RBFOX1: variants seen among roughly 807,000 people sequenced by gnomAD.
RBFOX1 encodes the protein RNA binding protein fox-1 homolog 1.
Under a neutral mutation model 57.7 loss-of-function variants are expected in RBFOX1, and 8 were observed. The ratio of observed to expected loss-of-function variants is 0.14; its 90% CI spans 0.08 to 0.25. The LOEUF (loss-of-function observed/expected upper bound fraction) is 0.25. Ranked by LOEUF, RBFOX1 falls within the 10% of genes least tolerant of loss-of-function variation. The probability of loss-of-function intolerance (pLI) is 1.00; values close to 1 mark genes in which losing one functional copy is unlikely to be tolerated. For synonymous variants in RBFOX1, 326 were observed against 222.4 expected (o/e 1.47, Z -4.15); for missense variants, 611 against 548.5 (o/e 1.11, Z -1.14).
intron 2 of RBFOX1, among the ~76,000 whole-genome samples, chr16:6,605,510 G>T (rs548790713): frequency 6.6e-6 from 1 of 152,306 alleles, no homozygotes; most frequent in South Asian, 2.1e-4. Flanking sequence ...AATCAGAAAT[G>T]ACAGCATTTT....
At chr16:6,968,813 G>GTT (rs1259504331) in intron 3 of RBFOX1, among the ~76,000 whole-genome samples, 19 of 150,506 alleles carry the variant, frequency 1.3e-4, no homozygotes, top group African/African-American at 4.7e-4. Context: ...ATTAATCCAG[G>GTT]TTTTTTTGTT....
chr16:6,723,833 C>G (rs555173434), intron 3 of RBFOX1: 1 of 151,968 alleles, frequency 6.6e-6, no homozygotes, highest in African/African-American at 2.4e-5. Context: ...GCTTACTGAC[C>G]TGTATGTTCT....
intron 2 of RBFOX1, among the ~76,000 whole-genome samples, chr16:6,588,530 G>A (rs1031883616): frequency 4.6e-5 from 7 of 151,686 alleles, no homozygotes; most frequent in African/African-American, 7.3e-5. Context: ...GTGCACACCC[G>A]TAACTCAGCT....
intron 4 of RBFOX1, among the ~76,000 whole-genome samples, chr16:7,369,714 CA>C (rs1286710805): frequency 1.3e-5 from 2 of 152,138 alleles, no homozygotes; most frequent in Non-Finnish European, 2.9e-5. Context: ...GTCTGATTAG[CA>C]ATAGCATACC....
chr16:6,662,507 A>G (rs1486559931), intron 3 of RBFOX1, among the ~76,000 whole-genome samples: 5 of 152,220 alleles, frequency 3.3e-5, no homozygotes, highest in Non-Finnish European at 7.3e-5. Flanking sequence ...GTGTTGAAAC[A>G]CTTAGATTAG....
chr16:6,094,485 G>T (rs2096219725), intron 1 of RBFOX1, among the ~76,000 whole-genome samples: 1 of 152,156 alleles, frequency 6.6e-6, no homozygotes, highest in Non-Finnish European at 1.5e-5. Flanking sequence ...AAACTGACAT[G>T]CTCACTAGAC....
chr16:5,683,274 C>T (rs1375917555), intron 3 of RBFOX1, among the ~76,000 whole-genome samples: 1 of 152,154 alleles, frequency 6.6e-6, no homozygotes, highest in African/African-American at 2.4e-5. Flanking sequence ...GAGATTCTGA[C>T]TTCCTTGCCA....
In RBFOX1 at chr16:6,333,344, C is replaced by G. The variant is rs2083267866; in HGVS notation, c.-64+16287C>G. On this transcript the variant is annotated intron_variant, in intron 2 of 15. Transcript: ENST00000550418. ...ACAGGTGTGAGCCACTGCGCCCAGC[C>G]AGACATTCTTTCCTTTGCTATACTC... Among the ~76,000 whole-genome samples the G allele has an allele frequency of 2.0e-5, 3 of 152,224 alleles. No homozygotes were observed. The South Asian group carries it at 6.2e-4, about 32-fold the overall frequency.
At chr16:7,110,932 C>A (rs978358345) in intron 4 of RBFOX1, among the ~76,000 whole-genome samples, 3 of 152,068 alleles carry the variant, frequency 2.0e-5, no homozygotes, top group African/African-American at 7.2e-5. Context: ...AAAAGGACAC[C>A]AGGGCATCCA....
intron 2 of RBFOX1, among the ~76,000 whole-genome samples, chr16:6,585,011 G>A (rs371099014): frequency 6.6e-5 from 10 of 152,124 alleles, no homozygotes; most frequent in African/African-American, 2.4e-4. Flanking sequence ...GCAGGCAAGC[G>A]GATTCCCAGG....
chr16:6,085,235 G>C (rs892796222), intron 1 of RBFOX1, among the ~76,000 whole-genome samples: 4 of 152,074 alleles, frequency 2.6e-5, no homozygotes, highest in Non-Finnish European at 5.9e-5. Flanking sequence ...AGAAACATTG[G>C]CCTGACTTTG....
intron 1 of RBFOX1, among the ~76,000 whole-genome samples, chr16:5,381,433 C>T (rs2066128356): frequency 6.6e-6 from 1 of 152,236 alleles, no homozygotes; most frequent in African/African-American, 2.4e-5. Flanking sequence ...AGATCTGGCT[C>T]ACGTGCAGAT....
At chr16:7,095,797 G>C (rs374690317) in intron 4 of RBFOX1, among the ~76,000 whole-genome samples, 1 of 152,100 alleles carries the variant, frequency 6.6e-6, no homozygotes, top group East Asian at 1.9e-4. Context: ...CCGATCATGA[G>C]GTCAGGAGAT....
intron 4 of RBFOX1, among the ~76,000 whole-genome samples, chr16:5,999,636 C>T (rs978507963): frequency 1.6e-4 from 25 of 151,924 alleles, no homozygotes; most frequent in African/African-American, 2.7e-4. Context: ...CTGAGGTGGG[C>T]GGATCACGAG....
intron 4 of RBFOX1, among the ~76,000 whole-genome samples, chr16:7,492,774 C>T (rs190368834): frequency 1.3e-5 from 2 of 152,254 alleles, no homozygotes; most frequent in African/African-American, 4.8e-5. Context: ...CCTTCACTCT[C>T]TCTTGCCCCG....
At chr16:7,692,550 C>T (rs914066558) in intron 14 of RBFOX1, among the ~76,000 whole-genome samples, 6 of 152,082 alleles carry the variant, frequency 3.9e-5, no homozygotes, top group Non-Finnish European at 7.4e-5. Context: ...GAGGCATTTA[C>T]GAACCTAGCC....
chr16:6,072,942 G>A (rs1991057), intron 1 of RBFOX1, among the ~76,000 whole-genome samples: 32,488 of 152,042 alleles, frequency 0.21, 4,406 homozygotes, highest in Non-Finnish European at 0.3. Flanking sequence ...AATTGTATAC[G>A]TTAAATATGT....
At chr16:6,660,754 C>T (rs1352155441) in intron 3 of RBFOX1, among the ~76,000 whole-genome samples, 2 of 134,380 alleles carry the variant, frequency 1.5e-5, no homozygotes, top group African/African-American at 2.5e-5. Flanking sequence ...TTAACTGTAG[C>T]TGCGGTTATT....
chr16:7,700,057 C>T (rs1394737553), intron 14 of RBFOX1, among the ~76,000 whole-genome samples: 2 of 152,038 alleles, frequency 1.3e-5, no homozygotes, highest in South Asian at 4.2e-4. Flanking sequence ...CAGAACCTCC[C>T]TACTTCTCAA....
Sources: gnomAD v4.1 joint callset for allele counts (sites outside exome capture counted in the v4.1 genomes callset) on GRCh38, gnomAD v4.1.1 for gene constraint, MANE v1.5 for transcripts, NCBI Gene and HGNC (gene_info 2026-07-23, HGNC 2026-07-21) for gene names.